TJP1: variants seen among roughly 807,000 people sequenced by gnomAD.
TJP1 encodes the protein tight junction protein 1, also known as tight junction protein ZO-1.
A neutral mutation model predicts 194.2 loss-of-function variants in TJP1; 43 were observed. The observed-to-expected ratio is 0.22, with a 90% CI of 0.17 to 0.29. TJP1 has a LOEUF of 0.29. TJP1 is among the 10% of genes least tolerant of loss of function. The pLI, the probability that TJP1 is intolerant of heterozygous loss-of-function variation, is 1.00. For missense variants in TJP1, 1,971 were observed against 2,185.7 expected (o/e 0.90, Z 1.96); for synonymous variants, 801 against 779.0 (o/e 1.03, Z -0.47).
rs561590531 is a variant in TJP1 at position 29,717,194 on chromosome 15, A to G, written c.3975-356T>C. 2.6e-5 allele frequency among the ~76,000 whole-genome samples: 4 copies of G among 152,352 alleles called. No homozygotes were observed. The South Asian group carries it at 6.2e-4, about 24-fold the overall frequency. On this transcript the variant is annotated intron_variant, in intron 22 of 27. Transcript: ENST00000614355. ...TACATATACCAAGGTCAAGAACAGTAAATGATAGACTTTAAGAACTTTCAA... is the reference window on the plus strand; with the variant it reads ...TACATATACCAAGGTCAAGAACAGTGAATGATAGACTTTAAGAACTTTCAA...
At chr15:29,921,612 C>T (rs1317110913) in intron 2 of TJP1, among the ~76,000 whole-genome samples, 1 of 152,198 alleles carries the variant, frequency 6.6e-6, no homozygotes, top group African/African-American at 2.4e-5. Flanking sequence ...CTGTGCTTCT[C>T]TCCCCTGCTG....
intron 8 of TJP1, among the ~76,000 whole-genome samples, chr15:29,757,817 T>C (rs1035338012): frequency 1.3e-5 from 2 of 152,132 alleles, no homozygotes; most frequent in Non-Finnish European, 2.9e-5. Context: ...AACAAAAAAA[T>C]ACAGTTGACC....
chr15:29,742,765 C>T lies in TJP1; in HGVS notation c.1027G>A (p.Glu343Lys). 1 of 1,601,394 alleles carries T rather than the reference C, an allele frequency of 6.2e-7. No homozygotes were observed. The highest frequency in any genetic ancestry group is 1.3e-5 in the African/African-American group (1 of 74,302). The change falls in exon 9 of 28, where the codon GAA becomes AAA. Residue 343 changes from glutamate to lysine, a missense_variant. Glu to Lys is a moderately conservative substitution (Grantham distance 56). This residue lies in a region of TJP1 where 192 missense variants were observed against 182.3 expected (regional missense o/e 1.05). Coordinates refer to ENST00000614355, the MANE Select transcript of TJP1 (RefSeq NM_001330239.4). The part of the protein sequence containing the change: ...PSNGSLRSRD[E>K]ERISKPGAVS... ...GCCCCAGGTTTAGAAATTCTCTCTT[C>T]ATCTCTACTCCGGAGACTGTGTGTC...
intron 2 of TJP1, among the ~76,000 whole-genome samples, chr15:29,795,831 A>G (rs1349847372): frequency 1.3e-5 from 2 of 152,162 alleles, no homozygotes; most frequent in Non-Finnish European, 2.9e-5. Flanking sequence ...AATTTATCTG[A>G]GGAATGCAAG....
At chr15:29,730,596 GA>G (rs767411082) in intron 15 of TJP1, 17,199 of 398,566 alleles carry the variant, frequency 0.043, no homozygotes, top group South Asian at 0.055. Flanking sequence ...CTCTGTCTCT[GA>G]AAAAAAAAAA....
At chr15:29,759,180 T>C (rs755783671) in intron 8 of TJP1, 5 of 152,364 alleles carry the variant, frequency 3.3e-5, no homozygotes, top group South Asian at 4.1e-4. Flanking sequence ...CTCCCTGTTA[T>C]CCAGTTCTCT....
chr15:29,909,014 G>A (rs551977872), intron 2 of TJP1, among the ~76,000 whole-genome samples: 55 of 152,004 alleles, frequency 3.6e-4, no homozygotes, highest in African/African-American at 7.5e-4. Flanking sequence ...AAAATTATCC[G>A]GGTGTGGTGG....
intron 22 of TJP1, 66 bp from the exon 23 acceptor site, chr15:29,716,904 AT>A: frequency 2.9e-6 from 4 of 1,375,626 alleles, no homozygotes; most frequent in Non-Finnish European, 4.0e-6. Context: ...GAAGTAGAAT[AT>A]GTAAGTCTTA....
chr15:29,772,016 C>CA, intron 4 of TJP1, 48 bp downstream of exon 4: 1 of 1,176,910 alleles, frequency 8.5e-7, no homozygotes, highest in African/African-American at 1.5e-5. Context: ...AATGTATCAA[C>CA]AATAAAGTTG....
intron 2 of TJP1, among the ~76,000 whole-genome samples, chr15:29,929,187 CA>C (rs10713407): frequency 0.26 from 38,927 of 150,810 alleles, 5,234 homozygotes; most frequent in East Asian, 0.35. Context: ...AAATCAAGGA[CA>C]AAAAAAAATC....
Position 29,956,100 on chromosome 15 carries a change from G to A in TJP1, c.306+132C>T, listed in dbSNP as rs114947592. ...AAGAAAACATTCTGGTTGGTAAACT[G>A]TTGGGTGAACCATTTCTAAAATTAA... On this transcript the variant is annotated intron_variant, in intron 2 of 28. Transcript: ENST00000356107. The A allele has an allele frequency of 1.1e-3, 777 of 730,166 alleles. 7 individuals carry two copies. The African/African-American group carries it at 0.013, about 13-fold the overall frequency. The allele number at this position is 730,166 out of a possible 1,614,324, so 45.2% of individuals were successfully genotyped here.
chr15:29,951,359 G>A (rs779938214), intron 2 of TJP1, among the ~76,000 whole-genome samples: 1 of 151,934 alleles, frequency 6.6e-6, no homozygotes, highest in Non-Finnish European at 1.5e-5. Context: ...GTAGAGACAG[G>A]GTTTTACCAG....
chr15:29,968,066 A>G (rs560200405), intron 1 of TJP1: 1 of 985,368 alleles, frequency 1.0e-6, no homozygotes, highest in African/African-American at 1.7e-5. Flanking sequence ...TAAGGTCCAG[A>G]CATTTTTCTT....
At chr15:29,941,554 G>A (rs1336953710) in intron 2 of TJP1, among the ~76,000 whole-genome samples, 3 of 152,130 alleles carry the variant, frequency 2.0e-5, no homozygotes, top group Non-Finnish European at 2.9e-5. Context: ...CAGCTGGTGT[G>A]AGCTCCATCT....
Position 29,808,862 on chromosome 15 carries a change from AAAC to A in TJP1, c.28-8163_28-8161del, listed in dbSNP as rs1260627047. Among the ~76,000 whole-genome samples, 8 of 152,308 alleles carry A rather than the reference AAAC, an allele frequency of 5.3e-5. No homozygotes were observed. In the South Asian group the frequency reaches 1.4e-3, roughly 28 times the overall value. On this transcript the variant is annotated intron_variant, in intron 1 of 27. Coordinates refer to ENST00000614355, the MANE Select transcript of TJP1 (RefSeq NM_001330239.4). ...ATCAATGGCTGCAGACATCATCCAAAAACAACAGAAAAAACCCTGGGACCGAAT... is the reference window on the plus strand; with the variant it reads ...ATCAATGGCTGCAGACATCATCCAAAAACAGAAAAAACCCTGGGACCGAAT...
intron 2 of TJP1, among the ~76,000 whole-genome samples, chr15:29,899,386 C>A (rs1471390034): frequency 6.6e-6 from 1 of 152,216 alleles, no homozygotes; most frequent in African/African-American, 2.4e-5. Context: ...TAAGTGAAGT[C>A]ACCATTTTCC....
chr15:29,870,610 T>C (rs979897180), intron 2 of TJP1, among the ~76,000 whole-genome samples: 12 of 152,208 alleles, frequency 7.9e-5, no homozygotes, highest in Non-Finnish European at 1.5e-4. Context: ...TTCTGTTGAT[T>C]AGCCTTTTTA....
At chr15:29,760,523 G>A (rs1473245635) in intron 8 of TJP1, among the ~76,000 whole-genome samples, 1 of 152,068 alleles carries the variant, frequency 6.6e-6, no homozygotes, top group African/African-American at 2.4e-5. Context: ...TTACAAGCAT[G>A]TGCCAACACT....
intron 26 of TJP1, among the ~76,000 whole-genome samples, chr15:29,704,871 G>A (rs187980552): frequency 6.6e-6 from 1 of 152,214 alleles, no homozygotes. Flanking sequence ...CCCAAAATCA[G>A]AGTACAGAAT....
Sources: allele counts gnomAD v4.1 joint callset (sites outside exome capture counted in the v4.1 genomes callset), GRCh38; gene constraint gnomAD v4.1.1; regional missense constraint gnomAD v4.1.1; transcripts MANE v1.5; gene names NCBI Gene and HGNC (gene_info 2026-07-23, HGNC 2026-07-21).